The following RPH3A variants were observed in gnomAD, a reference collection of about 807,000 sequenced individuals.
The protein encoded by RPH3A is rabphilin 3A, also known as rabphilin-3A.
A neutral mutation model predicts 102.2 loss-of-function variants in RPH3A; 48 were observed. The ratio of observed to expected loss-of-function variants is 0.47; its 90% CI spans 0.37 to 0.60. RPH3A has a LOEUF of 0.60. Ranked by LOEUF, RPH3A falls within the 20% of genes least tolerant of loss-of-function variation. RPH3A has a pLI of 0.00. For synonymous variants in RPH3A, 310 were observed against 324.3 expected (o/e 0.96, Z 0.47); for missense variants, 781 against 910.1 (o/e 0.86, Z 1.83).
chr12:112,861,693 C>T (rs1333434628), intron 5 of RPH3A, among the ~76,000 whole-genome samples: 2 of 152,158 alleles, frequency 1.3e-5, no homozygotes, highest in Non-Finnish European at 2.9e-5. Flanking sequence ...TAATCCTTAG[C>T]TTCTAGTGTA....
At chr12:112,838,271 G>C (rs1369889552) in intron 4 of RPH3A, among the ~76,000 whole-genome samples, 1 of 152,266 alleles carries the variant, frequency 6.6e-6, no homozygotes, top group Non-Finnish European at 1.5e-5. Context: ...AACTGTGAGA[G>C]AGAACATGGG....
intron 2 of RPH3A, among the ~76,000 whole-genome samples, chr12:112,806,594 A>C (rs1032346230): frequency 2.6e-5 from 4 of 151,964 alleles, no homozygotes. Flanking sequence ...ACGCCACTGC[A>C]CTCCAGCCTG....
intron 2 of RPH3A, among the ~76,000 whole-genome samples, chr12:112,804,983 C>T (rs1223298452): frequency 6.6e-6 from 1 of 152,086 alleles, no homozygotes; most frequent in African/African-American, 2.4e-5. Flanking sequence ...AGGAGAAGAA[C>T]TAGGCATTTA....
chr12:112,741,406 T>C (rs1205560601), intron 1 of RPH3A, among the ~76,000 whole-genome samples: 1 of 152,204 alleles, frequency 6.6e-6, no homozygotes, highest in East Asian at 1.9e-4. Flanking sequence ...GACTCCAAAT[T>C]CACACTACTT....
chr12:112,744,475 A>G (rs898220286), intron 1 of RPH3A, among the ~76,000 whole-genome samples: 6 of 152,164 alleles, frequency 3.9e-5, no homozygotes, highest in African/African-American at 1.4e-4. Flanking sequence ...CATGGGCAGC[A>G]TTTATCTGGA....
upstream of RPH3A, among the ~76,000 whole-genome samples, chr12:112,788,066 G>T (rs1259791791): frequency 6.6e-6 from 1 of 152,228 alleles, no homozygotes; most frequent in Non-Finnish European, 1.5e-5. Flanking sequence ...CAGGCTGGTG[G>T]AGTTTACAGC....
intron 2 of RPH3A, among the ~76,000 whole-genome samples, chr12:112,796,011 T>C (rs1249692718): frequency 6.6e-6 from 1 of 152,190 alleles, no homozygotes; most frequent in African/African-American, 2.4e-5. Context: ...AGGACAAAGC[T>C]TGGAGACAGG....
intron 1 of RPH3A, among the ~76,000 whole-genome samples, chr12:112,672,237 TTTC>T (rs1366007087): frequency 6.6e-6 from 1 of 151,998 alleles, no homozygotes; most frequent in Non-Finnish European, 1.5e-5. Flanking sequence ...GGAGGAAGAA[TTTC>T]TTCTTCTTTG....
intron 1 of RPH3A, among the ~76,000 whole-genome samples, chr12:112,596,658 TAA>T (rs2039518982): frequency 6.6e-6 from 1 of 152,252 alleles, no homozygotes. Flanking sequence ...TCTGATAGTT[TAA>T]GTTTTCCACC....
intron 3 of RPH3A, among the ~76,000 whole-genome samples, chr12:112,833,127 C>T (rs560761930): frequency 1.7e-4 from 26 of 152,176 alleles, no homozygotes; most frequent in Admixed American, 5.2e-4. Flanking sequence ...CTGCCCACCT[C>T]GGCCTCCCAA....
chr12:112,702,147 T>C (rs916823215), intron 1 of RPH3A, among the ~76,000 whole-genome samples: 71 of 152,202 alleles, frequency 4.7e-4, no homozygotes, highest in African/African-American at 1.6e-3. Context: ...AGTTTCAGTG[T>C]TATTTTGTAT....
intron 1 of RPH3A, among the ~76,000 whole-genome samples, chr12:112,718,834 T>A (rs2040531982): frequency 6.6e-6 from 1 of 152,200 alleles, no homozygotes; most frequent in East Asian, 1.9e-4. Flanking sequence ...AGGAATTGAT[T>A]GGTGATGTTT....
chr12:112,657,388 C>G (rs1009828233), intron 1 of RPH3A, among the ~76,000 whole-genome samples: 1 of 151,842 alleles, frequency 6.6e-6, no homozygotes, highest in Non-Finnish European at 1.5e-5. Context: ...GGAATACACT[C>G]TAAAATAATG....
At chr12:112,771,643 C>T (rs549253757) in intron 1 of RPH3A, among the ~76,000 whole-genome samples, 2 of 152,134 alleles carry the variant, frequency 1.3e-5, no homozygotes. Context: ...GCCAAATAGC[C>T]TATTGATGGA....
At chr12:112,589,183 G>A (rs1370254964) in intron 1 of RPH3A, among the ~76,000 whole-genome samples, 1 of 152,054 alleles carries the variant, frequency 6.6e-6, no homozygotes, top group South Asian at 2.1e-4. Flanking sequence ...GCCAACCCAG[G>A]AGGGTTGGTA....
At chr12:112,621,890 GTCCCTGA>G (rs2039731106) in intron 1 of RPH3A, among the ~76,000 whole-genome samples, 1 of 150,918 alleles carries the variant, frequency 6.6e-6, no homozygotes, top group Non-Finnish European at 1.5e-5. Context: ...CCTCAAGTGG[GTCCCTGA>G]CCCCTGACCC....
At chr12:112,631,112 G>A (rs892359931) in intron 1 of RPH3A, among the ~76,000 whole-genome samples, 3 of 152,134 alleles carry the variant, frequency 2.0e-5, no homozygotes, top group African/African-American at 4.8e-5. Flanking sequence ...TAACTCAGAT[G>A]GCAGCTGTAC....
chr12:112,774,732 A>G lies in RPH3A; in HGVS notation c.-139-17411A>G. Among the ~76,000 whole-genome samples, 2 of 150,984 alleles carry G rather than the reference A, an allele frequency of 1.3e-5. 1 individual carries two copies. The highest frequency in any genetic ancestry group is 4.0e-4 in the East Asian group (2 of 5,040). On this transcript the variant is annotated intron_variant, in intron 1 of 21. Transcript: ENST00000543106. Reference sequence around the variant, plus strand: ...AACAAGTGGGAGCTGAACAACGAGAACACATGGACACAGGGAGGGGAACAA... The same window carrying G: ...AACAAGTGGGAGCTGAACAACGAGAGCACATGGACACAGGGAGGGGAACAA...
intron 1 of RPH3A, among the ~76,000 whole-genome samples, chr12:112,646,978 A>G (rs2135994886): frequency 6.6e-6 from 1 of 152,324 alleles, no homozygotes; most frequent in Middle Eastern, 3.4e-3. Context: ...CATTAATCTT[A>G]AAAGCTATGG....
Sources: gnomAD v4.1 joint callset for allele counts (sites outside exome capture counted in the v4.1 genomes callset) on GRCh38, gnomAD v4.1.1 for gene constraint, MANE v1.5 for transcripts, NCBI Gene and HGNC (gene_info 2026-07-23, HGNC 2026-07-21) for gene names.